AGAP1: variants seen among roughly 807,000 people sequenced by gnomAD.
The protein encoded by AGAP1 is arf-GAP with GTPase, ANK repeat and PH domain-containing protein 1.
A neutral mutation model predicts 105.3 loss-of-function variants in AGAP1; 29 were observed. The observed-to-expected ratio is 0.28, with a 90% CI of 0.21 to 0.38. The LOEUF (loss-of-function observed/expected upper bound fraction) is 0.38, where lower values mean the gene tolerates loss of function less well. AGAP1 is among the 10% of genes least tolerant of loss of function. The pLI is 1.00. For synonymous variants in AGAP1, 509 were observed against 485.9 expected, an observed-to-expected ratio of 1.05 and a Z score of -0.63; for missense variants, 998 against 1,165.1, an observed-to-expected ratio of 0.86 and a Z score of 2.09.
At chr2:235,748,358 C>G (rs558956930) in intron 5 of AGAP1, among the ~76,000 whole-genome samples, 2 of 152,226 alleles carry the variant, frequency 1.3e-5, no homozygotes, top group East Asian at 3.9e-4. Flanking sequence ...CAAAATTATC[C>G]TAGAGCATTG....
In AGAP1 at chr2:235,732,876, A is replaced by G. The variant is rs1419968092; in HGVS notation, c.311-8087A>G. Among the ~76,000 whole-genome samples, 2 of 151,034 alleles carry G rather than the reference A, an allele frequency of 1.3e-5. No homozygotes were observed. Among genetic ancestry groups the G allele is most frequent in the African/African-American group, 4.9e-5 (2 of 41,040 alleles). ...AGATGGGCCAGACCATTCTACCCAC[A>G]CTCCCATTTGCCAGACCTCAGCCAC... On this transcript the variant is annotated intron_variant, in intron 3 of 17. Transcript: ENST00000304032. The surrounding 1 kb of genome is among the most constrained non-coding windows in gnomAD (Gnocchi z 4.8).
chr2:235,978,304 G>T (rs754135554), intron 13 of AGAP1, among the ~76,000 whole-genome samples: 2 of 148,832 alleles, frequency 1.3e-5, no homozygotes, highest in Non-Finnish European at 3.0e-5. Context: ...ACTCACCCAC[G>T]CACCATATGC....
In AGAP1 at chr2:236,014,768, C is replaced by G. The variant is rs1559192602; in HGVS notation, c.1646-21793C>G. On this transcript the variant is annotated intron_variant, in intron 13 of 17. Coordinates refer to ENST00000304032, the MANE Select transcript of AGAP1 (RefSeq NM_001037131.3). This position sits in a 1 kb window ranked among gnomAD's most constrained non-coding sequence, Gnocchi z 6.3. ...TTTTCTTTTCCTTTTTGTTTTCTCT[C>G]TTTTTCCCCTCTCCCCTTTCTGCTC... is the stretch of plus-strand genomic sequence containing the variant. 2.5e-6 allele frequency: 1 copy of G among 406,984 alleles called. No homozygotes were observed. Among genetic ancestry groups the G allele is most frequent in the African/African-American group, 2.2e-5 (1 of 46,214 alleles). 25.2% of individuals were successfully genotyped at this position (406,984 alleles called of 1,614,324 possible). A position where few individuals can be genotyped will look rare whatever the true frequency, so the allele number is the denominator to read the frequency against.
intron 13 of AGAP1, among the ~76,000 whole-genome samples, chr2:236,013,373 A>T (rs1231669564): frequency 6.6e-6 from 1 of 152,170 alleles, no homozygotes; most frequent in Non-Finnish European, 1.5e-5. Context: ...GCACACGCCG[A>T]ACCTACAACC....
Position 235,623,478 on chromosome 2 carries a change from C to T in AGAP1, c.164-85701C>T, listed in dbSNP as rs1473559830. ...TTCAAGGTTTCAGGATGACACAAGC[C>T]ATCGGGTTGAGTGTGTTTGTTTCAG... On this transcript the variant is annotated intron_variant, in intron 1 of 17. Coordinates refer to ENST00000304032, the MANE Select transcript of AGAP1 (RefSeq NM_001037131.3). The surrounding 1 kb of genome is among the most constrained non-coding windows in gnomAD (Gnocchi z 4.5). Among the ~76,000 whole-genome samples the T allele has an allele frequency of 6.6e-6, 1 of 152,142 alleles. No individual in the cohort carries two copies. Among genetic ancestry groups the T allele is most frequent in the Non-Finnish European group, 1.5e-5 (1 of 68,032 alleles).
chr2:235,681,066 T>C (rs1353349548), intron 1 of AGAP1, among the ~76,000 whole-genome samples: 1 of 152,082 alleles, frequency 6.6e-6, no homozygotes. Context: ...TGGAGTGCAG[T>C]GGCGCCATCT....
intron 3 of AGAP1, among the ~76,000 whole-genome samples, chr2:235,738,356 C>A (rs898123380): frequency 6.6e-6 from 1 of 151,998 alleles, no homozygotes; most frequent in African/African-American, 2.4e-5. Context: ...TGTTTACCCT[C>A]ATTTCACAGG....
rs531992868 is a variant in AGAP1 at position 235,759,448 on chromosome 2, C to T, written c.673+8960C>T. ...CCTCCCAAAGTGCTGGGATTACAGG[C>T]GTGAGCCACCGCGCCCGGCCCTGGC... On this transcript the variant is annotated intron_variant, in intron 6 of 17. Transcript: ENST00000304032. Among the ~76,000 whole-genome samples the T allele has an allele frequency of 8.5e-5, 13 of 152,292 alleles. No homozygotes were observed. In the South Asian group the frequency reaches 1.5e-3, roughly 17 times the overall value.
In AGAP1 at chr2:235,753,759, G is replaced by T. The variant is rs903833883; in HGVS notation, c.673+3271G>T. 6.6e-6 allele frequency among the ~76,000 whole-genome samples: 1 copy of T among 151,752 alleles called. No homozygotes were observed. The highest frequency in any genetic ancestry group is 1.5e-5 in the Non-Finnish European group (1 of 67,988). The stretch of plus-strand genomic sequence containing the variant: ...AATTTGAAAAGCAAATACCTGTGAA[G>T]CTACAACTTCCGTGACTATTGCGAT... On this transcript the variant is annotated intron_variant, in intron 6 of 17. Transcript: ENST00000304032. The surrounding 1 kb of genome is among the most constrained non-coding windows in gnomAD (Gnocchi z 4.5).
In AGAP1 at chr2:236,087,278, T is replaced by A. The variant is rs1882363; in HGVS notation, c.2115-32914T>A. On this transcript the variant is annotated intron_variant, in intron 16 of 17. Transcript: ENST00000304032. The surrounding 1 kb of genome is among the most constrained non-coding windows in gnomAD (Gnocchi z 5.7). ...AGGGCATTCCAGTGTTATTTAGGGG[T>A]CGAGGTGGGAATGAGAGGAAGCCAG... Among the ~76,000 whole-genome samples the A allele has an allele frequency of 1.3e-5, 2 of 151,686 alleles. No individual in the cohort carries two copies. Among genetic ancestry groups the A allele is most frequent in the African/African-American group, 2.4e-5 (1 of 41,250 alleles).
intron 9 of AGAP1, among the ~76,000 whole-genome samples, chr2:235,815,011 CAG>C (rs1958370292): frequency 6.6e-6 from 1 of 152,126 alleles, no homozygotes; most frequent in Admixed American, 6.6e-5. Context: ...TCTGATGTAC[CAG>C]AGTCTTGGCG....
intron 1 of AGAP1, among the ~76,000 whole-genome samples, chr2:235,593,771 C>T (rs1021058851): frequency 1.3e-5 from 2 of 151,998 alleles, no homozygotes; most frequent in African/African-American, 2.4e-5. Context: ...CAAGACCAGC[C>T]CGGGCAACAT....
rs2125839048 is a variant in AGAP1 at position 236,082,466 on chromosome 2, G to A, written c.2114+33185G>A. Reference sequence around the variant, plus strand: ...GCTGCCCATTTGATCTCTCAGGGAGGGAGAGCTTTTCCTAAGCATCGATCC... The same window carrying A: ...GCTGCCCATTTGATCTCTCAGGGAGAGAGAGCTTTTCCTAAGCATCGATCC... On this transcript the variant is annotated intron_variant, in intron 16 of 17. Transcript: ENST00000304032. This position sits in a 1 kb window ranked among gnomAD's most constrained non-coding sequence, Gnocchi z 4.2. Among the ~76,000 whole-genome samples the A allele has an allele frequency of 6.6e-6, 1 of 152,272 alleles. No individual in the cohort carries two copies. The highest frequency in any genetic ancestry group is 1.9e-4 in the East Asian group (1 of 5,178).
Position 235,662,701 on chromosome 2 carries a change from T to C in AGAP1, c.164-46478T>C, listed in dbSNP as rs1948001637. On this transcript the variant is annotated intron_variant, in intron 1 of 17. Transcript: ENST00000304032. This position sits in a 1 kb window ranked among gnomAD's most constrained non-coding sequence, Gnocchi z 4.2. Reference sequence around the variant, plus strand: ...TTGGTGATTTTGAACAGAGGAAAGATAGCACAGTGTCATAACTCAGCAAAG... The same window carrying C: ...TTGGTGATTTTGAACAGAGGAAAGACAGCACAGTGTCATAACTCAGCAAAG... Among the ~76,000 whole-genome samples the C allele has an allele frequency of 6.6e-6, 1 of 152,064 alleles. No individual in the cohort carries two copies. Among genetic ancestry groups the C allele is most frequent in the Non-Finnish European group, 1.5e-5 (1 of 68,010 alleles).
Position 235,555,031 on chromosome 2 carries a change from T to C in AGAP1, c.163+60182T>C, listed in dbSNP as rs1943929070. On this transcript the variant is annotated intron_variant, in intron 1 of 17. Transcript: ENST00000304032. The surrounding 1 kb of genome is among the most constrained non-coding windows in gnomAD (Gnocchi z 5.1). ...CTCCAGCCAGTTCAATTGTAGAGGGTCCTGGAGAGGAGGTGGAGCAGTTGC... is the reference window on the plus strand; with the variant it reads ...CTCCAGCCAGTTCAATTGTAGAGGGCCCTGGAGAGGAGGTGGAGCAGTTGC... 6.6e-6 allele frequency among the ~76,000 whole-genome samples: 1 copy of C among 152,036 alleles called. No homozygotes were observed. The highest frequency in any genetic ancestry group is 2.4e-5 in the African/African-American group (1 of 41,376).
In AGAP1 at chr2:235,538,425, C is replaced by CTGTGTGTG. The variant is rs1413280144; in HGVS notation, c.163+43577_163+43578insGTGTGTGT. Among the ~76,000 whole-genome samples, 14 of 28,602 alleles carry CTGTGTGTG rather than the reference C, an allele frequency of 4.9e-4. 1 individual carries two copies. In the South Asian group the frequency reaches 0.015, roughly 31 times the overall value. The allele number at this position is 28,602 out of a possible 152,430, so 18.8% of individuals were successfully genotyped here. On this transcript the variant is annotated intron_variant, in intron 1 of 17. Transcript: ENST00000304032. ...GGCTCTGGAGGAAGAACCTCAGCCA[C>CTGTGTGTG]TATGTGTGTGTGTGTGTGTGTGTGT...
rs1043095598 is a variant in AGAP1, at chr2:236,109,918, A to G, written c.2115-10274A>G. Among the ~76,000 whole-genome samples, 37 of 152,346 alleles carry G rather than the reference A, an allele frequency of 2.4e-4. 1 individual carries two copies. The East Asian group carries it at 6.9e-3, about 29-fold the overall frequency. ...TCGTCAGAGACCAGAACCAAGTGTT[A>G]AGATGGCCAAAGGGAGAGCATGAGA... is the stretch of plus-strand genomic sequence containing the variant. On this transcript the variant is annotated intron_variant, in intron 16 of 17. Coordinates refer to ENST00000304032, the MANE Select transcript of AGAP1 (RefSeq NM_001037131.3). The surrounding 1 kb of genome is among the most constrained non-coding windows in gnomAD (Gnocchi z 5.4).
At chr2:235,504,038 T>C (rs1321833028) in intron 1 of AGAP1, among the ~76,000 whole-genome samples, 1 of 152,056 alleles carries the variant, frequency 6.6e-6, no homozygotes, top group Non-Finnish European at 1.5e-5. Context: ...CGCACCACCA[T>C]GCCCGACTAA....
rs2051976586 is a variant in AGAP1 at position 235,917,855 on chromosome 2, C to T, written c.1324+8949C>T. ...TACATTATCCCCGTTGTGTGGCCCG[C>T]AGAGGCTGTTTATCAAAACTGCTCA... On this transcript the variant is annotated intron_variant, in intron 11 of 17. Transcript: ENST00000304032. Among the ~76,000 whole-genome samples the T allele has an allele frequency of 2.0e-5, 3 of 152,162 alleles. No individual in the cohort carries two copies. In the South Asian group the frequency reaches 6.2e-4, roughly 32 times the overall value.
Sources: allele counts gnomAD v4.1 joint callset (sites outside exome capture counted in the v4.1 genomes callset), GRCh38; gene constraint gnomAD v4.1.1; non-coding constraint Gnocchi (gnomAD v3.1); transcripts MANE v1.5; gene names NCBI Gene and HGNC (gene_info 2026-07-23, HGNC 2026-07-21).